Variants in GUCY1A2 observed in about 807,000 individuals in gnomAD.
GUCY1A2 encodes guanylate cyclase 1 soluble subunit alpha 2, also known as guanylate cyclase soluble subunit alpha-2.
A neutral mutation model predicts 63.5 loss-of-function variants in GUCY1A2; 27 were observed. The observed-to-expected ratio is 0.43, with a 90% confidence interval of 0.31 to 0.59. The LOEUF (loss-of-function observed/expected upper bound fraction) is 0.59, where lower values mean the gene tolerates loss of function less well. Ranked by LOEUF, GUCY1A2 falls within the 20% of genes least tolerant of loss-of-function variation. The pLI, the probability that GUCY1A2 is intolerant of heterozygous loss-of-function variation, is 0.11. For missense variants in GUCY1A2, 768 were observed against 913.3 expected (o/e 0.84, Z 2.05); for synonymous variants, 364 against 343.5 (o/e 1.06, Z -0.66).
At chr11:106,965,419 ATG>A (rs1359464928) in intron 3 of GUCY1A2, among the ~76,000 whole-genome samples, 24 of 152,186 alleles carry the variant, frequency 1.6e-4, no homozygotes, top group African/African-American at 4.3e-4. Context: ...GTATACATGT[ATG>A]TGTATGTATG....
intron 4 of GUCY1A2, among the ~76,000 whole-genome samples, chr11:106,917,432 C>T (rs1194231949): frequency 6.9e-6 from 1 of 145,182 alleles, no homozygotes; most frequent in Non-Finnish European, 1.5e-5. Context: ...GCAAAGCCAT[C>T]CCATTACTGG....
intron 6 of GUCY1A2, among the ~76,000 whole-genome samples, chr11:106,747,422 A>G (rs1863809531): frequency 6.6e-6 from 1 of 152,360 alleles, no homozygotes. Flanking sequence ...TTCACAAGAC[A>G]CCAATTGACT....
At chr11:106,827,800 T>A in intron 4 of GUCY1A2, 1 of 1,576,172 alleles carries the variant, frequency 6.3e-7, no homozygotes, top group Non-Finnish European at 8.7e-7. Context: ...GGAAAGTGAG[T>A]AGCCAACTGC....
intron 4 of GUCY1A2, among the ~76,000 whole-genome samples, chr11:106,899,508 T>A (rs969038249): frequency 6.6e-6 from 1 of 152,192 alleles, no homozygotes; most frequent in Non-Finnish European, 1.5e-5. Flanking sequence ...TTAAAGGACT[T>A]AGCCTTTGTC....
intron 6 of GUCY1A2, among the ~76,000 whole-genome samples, chr11:106,722,847 C>T (rs1039315678): frequency 2.0e-5 from 3 of 149,280 alleles, no homozygotes; most frequent in African/African-American, 7.4e-5. Flanking sequence ...TTAAGGAATC[C>T]CTTTGCATAT....
intron 7 of GUCY1A2, among the ~76,000 whole-genome samples, chr11:106,693,494 G>C (rs1269747205): frequency 6.6e-6 from 1 of 151,990 alleles, no homozygotes; most frequent in Non-Finnish European, 1.5e-5. Flanking sequence ...ACAATTAGTG[G>C]ATCCTTTTGA....
intron 6 of GUCY1A2, among the ~76,000 whole-genome samples, chr11:106,714,990 G>GA (rs539613361): frequency 1.3e-5 from 2 of 151,644 alleles, no homozygotes; most frequent in Non-Finnish European, 2.9e-5. Flanking sequence ...AGTGTTCATG[G>GA]AAAAAAAATA....
chr11:106,903,221 A>C (rs1402800846), intron 4 of GUCY1A2, among the ~76,000 whole-genome samples: 1 of 152,030 alleles, frequency 6.6e-6, no homozygotes, highest in Non-Finnish European at 1.5e-5. Flanking sequence ...TAAAAAAAAA[A>C]CTCATCACCA....
At position 106,738,532 on chromosome 11, in the gene GUCY1A2, G is replaced by A. The variant is rs369376746; in HGVS notation, c.1837-29866C>T. On this transcript the variant is annotated intron_variant, in intron 6 of 7. Coordinates refer to ENST00000526355, the MANE Select transcript of GUCY1A2 (RefSeq NM_000855.3). Reference sequence around the variant, plus strand: ...GGGTTTTTATGGTTTTAGGTCTTACGTTTAAGTCTTTAATCCATCTTGAGT... The same window carrying A: ...GGGTTTTTATGGTTTTAGGTCTTACATTTAAGTCTTTAATCCATCTTGAGT... Among the ~76,000 whole-genome samples, 110 of 152,088 alleles carry A rather than the reference G, an allele frequency of 7.2e-4. No individual in the cohort carries two copies. In the East Asian group the frequency reaches 0.012, roughly 17 times the overall value.
At chr11:106,739,130 A>G (rs1415940813) in intron 6 of GUCY1A2, among the ~76,000 whole-genome samples, 1 of 152,070 alleles carries the variant, frequency 6.6e-6, no homozygotes, top group Non-Finnish European at 1.5e-5. Context: ...TTGGATTCCT[A>G]GGTATTTTAT....
At chr11:106,795,817 T>C (rs1428046384) in intron 5 of GUCY1A2, among the ~76,000 whole-genome samples, 5 of 152,144 alleles carry the variant, frequency 3.3e-5, no homozygotes, top group African/African-American at 1.2e-4. Flanking sequence ...GATTTGCAGT[T>C]TGAAAACATT....
rs189864692 is a variant in GUCY1A2, at chr11:106,990,761, A to G, written c.304-4630T>C. 1.8e-4 allele frequency among the ~76,000 whole-genome samples: 27 copies of G among 152,346 alleles called. No individual in the cohort carries two copies. In the East Asian group the frequency reaches 5.0e-3, roughly 28 times the overall value. ...ATCACTCCAAAACAGAACTGACTTC[A>G]AAGTGTATCCTTTTGCACTAGATGC... is the stretch of plus-strand genomic sequence containing the variant. On this transcript the variant is annotated intron_variant, in intron 1 of 7. Transcript: ENST00000526355.
chr11:106,923,292 A>T (rs569885187), intron 4 of GUCY1A2, among the ~76,000 whole-genome samples: 23 of 152,238 alleles, frequency 1.5e-4, no homozygotes, highest in Non-Finnish European at 2.9e-4. Flanking sequence ...TTTGGCCTTA[A>T]CAACAAAACA....
At chr11:106,940,261 G>T in intron 3 of GUCY1A2, 83 bp from the exon 4 acceptor site, 1 of 680,326 alleles carries the variant, frequency 1.5e-6, no homozygotes, top group Admixed American at 2.5e-5. Flanking sequence ...TATCAAAAGA[G>T]TAACTACTGA....
chr11:106,916,738 G>A (rs1043776739), intron 4 of GUCY1A2, among the ~76,000 whole-genome samples: 1 of 145,448 alleles, frequency 6.9e-6, no homozygotes, highest in Non-Finnish European at 1.5e-5. Context: ...AAACTGACTC[G>A]TTGGTTCAGT....
intron 1 of GUCY1A2, among the ~76,000 whole-genome samples, chr11:106,988,935 G>A (rs1244320889): frequency 6.6e-6 from 1 of 152,184 alleles, no homozygotes; most frequent in African/African-American, 2.4e-5. Context: ...AAAGCATGAA[G>A]TGAAGACCCA....
In GUCY1A2 at chr11:106,676,531, A is replaced by G. The variant is rs1041254810; in HGVS notation, c.*11018T>C. 5.4e-6 allele frequency: 1 copy of G among 186,820 alleles called. No individual in the cohort carries two copies. The highest frequency in any genetic ancestry group is 2.3e-5 in the African/African-American group (1 of 42,728). The allele number at this position is 186,820 out of a possible 1,614,324, so 11.6% of individuals were successfully genotyped here. ...GAATACATTGTATATTGCTTTTTCA[A>G]TAGAGTAGACATAAAATTGATGACA... On this transcript the variant is annotated 3_prime_UTR_variant, in exon 8 of 8. Transcript: ENST00000526355.
chr11:106,850,370 T>G (rs1343125222), intron 4 of GUCY1A2, among the ~76,000 whole-genome samples: 1 of 151,774 alleles, frequency 6.6e-6, no homozygotes, highest in Non-Finnish European at 1.5e-5. Flanking sequence ...AATCCTCTCA[T>G]CTAGCTTTTT....
intron 5 of GUCY1A2, among the ~76,000 whole-genome samples, chr11:106,781,482 C>G (rs1382748585): frequency 6.6e-6 from 1 of 152,154 alleles, no homozygotes; most frequent in Non-Finnish European, 1.5e-5. Context: ...TATCTTTTCT[C>G]AAAACTTCAG....
Sources: allele counts gnomAD v4.1 joint callset (sites outside exome capture counted in the v4.1 genomes callset), GRCh38; gene constraint gnomAD v4.1.1; transcripts MANE v1.5; gene names NCBI Gene and HGNC (gene_info 2026-07-23, HGNC 2026-07-21).